Variants in CENPP observed in about 807,000 individuals in gnomAD.
The protein encoded by CENPP is centromere protein P.
CENPP carries 24 observed loss-of-function variants against 35.6 expected under a neutral mutation model. That is an observed-to-expected ratio of 0.67 (90% CI 0.49 to 0.95). The LOEUF (loss-of-function observed/expected upper bound fraction) is 0.95, where lower values mean the gene tolerates loss of function less well. CENPP is among the 40% of genes least tolerant of loss of function. CENPP has a pLI of 0.00. For synonymous variants in CENPP, 120 were observed against 125.5 expected (o/e 0.96, Z 0.29); for missense variants, 332 against 345.3 (o/e 0.96, Z 0.31).
At chr9:92,557,865 G>A (rs377678297) in intron 5 of CENPP, among the ~76,000 whole-genome samples, 30 of 151,964 alleles carry the variant, frequency 2.0e-4, no homozygotes, top group Non-Finnish European at 7.4e-5. Flanking sequence ...GGATGGTCTC[G>A]ATCTCCTGAC....
chr9:92,439,893 A>C (rs539175627), intron 5 of CENPP, among the ~76,000 whole-genome samples: 26 of 152,134 alleles, frequency 1.7e-4, no homozygotes, highest in Non-Finnish European at 3.1e-4. Context: ...TAGGAACCAG[A>C]ATTTCTGTTA....
intron 5 of CENPP, chr9:92,459,912 A>G: frequency 1.5e-6 from 1 of 666,402 alleles, no homozygotes; most frequent in Non-Finnish European, 2.3e-6. Flanking sequence ...TTTATTTAAT[A>G]ACCTACTTCA....
At chr9:92,408,229 A>C (rs538765008) in intron 5 of CENPP, among the ~76,000 whole-genome samples, 3 of 152,312 alleles carry the variant, frequency 2.0e-5, no homozygotes, top group African/African-American at 7.2e-5. Flanking sequence ...CTCTGTCTCC[A>C]GGCTGGAGTG....
chr9:92,505,899 G>A (rs1003501604), intron 5 of CENPP, among the ~76,000 whole-genome samples: 3 of 152,102 alleles, frequency 2.0e-5, no homozygotes, highest in African/African-American at 4.8e-5. Context: ...GCATGGTCCA[G>A]TAGTGAGGCA....
chr9:92,515,028 C>G lies in CENPP; in HGVS notation c.565-96286C>G, dbSNP rs771757092. 7.4e-6 allele frequency: 12 copies of G among 1,614,136 alleles called. No individual in the cohort carries two copies. The South Asian group carries it at 1.3e-4, about 18-fold the overall frequency. ...TCTTTTGCTCTGTATCTTCTTCTTT[C>G]ACTTCTTCATCCTCCTCAGATTGAA... is the stretch of plus-strand genomic sequence containing the variant. On this transcript the variant is annotated intron_variant, in intron 5 of 7. Coordinates refer to ENST00000375587, the MANE Select transcript of CENPP (RefSeq NM_001012267.3).
intron 5 of CENPP, among the ~76,000 whole-genome samples, chr9:92,436,015 A>G (rs1411513301): frequency 6.6e-6 from 1 of 152,234 alleles, no homozygotes; most frequent in African/African-American, 2.4e-5. Flanking sequence ...ACCATTTTAC[A>G]TTCCCACGAA....
intron 5 of CENPP, among the ~76,000 whole-genome samples, chr9:92,381,663 A>G (rs1842249100): frequency 6.6e-6 from 1 of 152,142 alleles, no homozygotes; most frequent in Non-Finnish European, 1.5e-5. Context: ...CTTTTGGGCT[A>G]TTGTGAATAA....
chr9:92,573,605 G>C (rs1024216210), intron 5 of CENPP, among the ~76,000 whole-genome samples: 1 of 152,210 alleles, frequency 6.6e-6, no homozygotes, highest in African/African-American at 2.4e-5. Context: ...CGTGCTGGGG[G>C]AACCACTGCT....
intron 5 of CENPP, among the ~76,000 whole-genome samples, chr9:92,527,003 A>AT (rs1554682056): frequency 2.0e-5 from 3 of 149,456 alleles, no homozygotes; most frequent in East Asian, 2.0e-4. Context: ...AGATATGTTT[A>AT]TTATTTATTT....
chr9:92,362,575 T>C (rs1841784296), intron 4 of CENPP, among the ~76,000 whole-genome samples: 1 of 152,342 alleles, frequency 6.6e-6, no homozygotes, highest in African/African-American at 2.4e-5. Context: ...AATGAAACTG[T>C]TGTATTTCTC....
intron 5 of CENPP, among the ~76,000 whole-genome samples, chr9:92,494,813 A>G (rs1355717671): frequency 2.0e-5 from 3 of 152,156 alleles, no homozygotes; most frequent in East Asian, 1.9e-4. Context: ...AGGCTGAAGC[A>G]GGAGAATCGC....
chr9:92,533,303 CAAAAAAAAAAAAA>C (rs1174584000), intron 5 of CENPP, among the ~76,000 whole-genome samples: 12 of 29,886 alleles, frequency 4.0e-4, no homozygotes, highest in Admixed American at 5.8e-4. Context: ...CGGTCTCAAA[CAAAAAAAAAAAAA>C]AAAAAAAAAA....
chr9:92,345,595 C>A, intron 3 of CENPP, 104 bp from the exon 4 acceptor site: 3 of 643,716 alleles, frequency 4.7e-6, no homozygotes, highest in Non-Finnish European at 8.1e-6. Context: ...CATGATTACT[C>A]TTTCCTTTTA....
At chr9:92,414,337 A>G in intron 5 of CENPP, 1 of 197,542 alleles carries the variant, frequency 5.1e-6, no homozygotes, top group Non-Finnish European at 1.0e-5. Context: ...TTTGTAACAA[A>G]GAGGCCTTTC....
chr9:92,509,772 C>G, intron 5 of CENPP: 1 of 1,031,682 alleles, frequency 9.7e-7, no homozygotes, highest in Non-Finnish European at 1.3e-6. Context: ...TTTATCAACT[C>G]AAATGGTTAA....
At chr9:92,425,823 G>A (rs1352876618) in intron 5 of CENPP, among the ~76,000 whole-genome samples, 1 of 152,152 alleles carries the variant, frequency 6.6e-6, no homozygotes, top group Non-Finnish European at 1.5e-5. Context: ...TTTTCTGTTA[G>A]TGTCTTTGTT....
chr9:92,596,857 A>G (rs1242472241), intron 5 of CENPP, among the ~76,000 whole-genome samples: 6 of 152,148 alleles, frequency 3.9e-5, no homozygotes, highest in Admixed American at 3.9e-4. Flanking sequence ...GAGGCATAGG[A>G]AGTTTCCTTT....
chr9:92,414,937 C>G (rs961708044), intron 5 of CENPP: 1 of 352,168 alleles, frequency 2.8e-6, no homozygotes, highest in Non-Finnish European at 5.0e-6. Flanking sequence ...TCCCACTTGT[C>G]ATTCTAATTT....
intron 5 of CENPP, among the ~76,000 whole-genome samples, chr9:92,590,692 G>A (rs1850644460): frequency 6.6e-6 from 1 of 152,154 alleles, no homozygotes; most frequent in Admixed American, 6.5e-5. Flanking sequence ...CCCTTTCCAT[G>A]TGTTTGGTCA....
Sources: allele counts gnomAD v4.1 joint callset (sites outside exome capture counted in the v4.1 genomes callset), GRCh38; gene constraint gnomAD v4.1.1; transcripts MANE v1.5; gene names NCBI Gene and HGNC (gene_info 2026-07-23, HGNC 2026-07-21).